The following FRMD4B variants were observed in gnomAD, a reference collection of about 807,000 sequenced individuals.
The protein encoded by FRMD4B is FERM domain-containing protein 4B.
A neutral mutation model predicts 141.5 loss-of-function variants in FRMD4B; 74 were observed. The observed-to-expected ratio is 0.52, with a 90% CI of 0.43 to 0.63. The LOEUF is 0.63. Among genes scored for constraint, FRMD4B ranks in the 30% least tolerant of loss-of-function variants. FRMD4B has a pLI of 0.00. For missense variants in FRMD4B, 1,366 were observed against 1,253.4 expected, an observed-to-expected ratio of 1.09 and a Z score of -1.36; for synonymous variants, 506 against 467.9, an observed-to-expected ratio of 1.08 and a Z score of -1.05.
rs545659265 is a variant in FRMD4B at position 69,312,081 on chromosome 3, A to C, written c.229-724T>G. Among the ~76,000 whole-genome samples, 5 of 152,276 alleles carry C rather than the reference A, an allele frequency of 3.3e-5. No homozygotes were observed. In the South Asian group the frequency reaches 1.0e-3, roughly 32 times the overall value. On this transcript the variant is annotated intron_variant, in intron 2 of 22. Coordinates refer to ENST00000398540, the MANE Select transcript of FRMD4B (RefSeq NM_015123.3). ...TGTACCCATTCCACACATCATCATC[A>C]ACAGTAATGAGCACCTAGTTAGAAG... is the stretch of plus-strand genomic sequence containing the variant.
At chr3:69,458,338 G>C (rs1300983829) in intron 1 of FRMD4B, among the ~76,000 whole-genome samples, 1 of 152,088 alleles carries the variant, frequency 6.6e-6, no homozygotes, top group Non-Finnish European at 1.5e-5. Context: ...CAGAGCATGA[G>C]GCATTAAACA....
chr3:69,400,174 C>T (rs990300158), intron 2 of FRMD4B, among the ~76,000 whole-genome samples: 2 of 151,174 alleles, frequency 1.3e-5, no homozygotes, highest in Non-Finnish European at 2.9e-5. Context: ...TCACTTGAGG[C>T]CAGGAGTTTG....
intron 1 of FRMD4B, among the ~76,000 whole-genome samples, chr3:69,533,838 G>T (rs1393086055): frequency 1.3e-5 from 2 of 152,154 alleles, no homozygotes; most frequent in Non-Finnish European, 1.5e-5. Flanking sequence ...TGTCTGGATA[G>T]GAGAGTTCAC....
intron 7 of FRMD4B, among the ~76,000 whole-genome samples, chr3:69,244,976 T>C (rs1294173478): frequency 6.6e-6 from 1 of 152,170 alleles, no homozygotes; most frequent in Non-Finnish European, 1.5e-5. Flanking sequence ...TTTTTTCCCA[T>C]TATTTATATG....
At chr3:69,411,649 T>TA (rs1704763072) in intron 2 of FRMD4B, among the ~76,000 whole-genome samples, 1 of 152,198 alleles carries the variant, frequency 6.6e-6, no homozygotes, top group African/African-American at 2.4e-5. Context: ...GACCCTGATC[T>TA]CCTGTCTAGG....
At chr3:69,378,980 T>C (rs1704044877) in intron 1 of FRMD4B, among the ~76,000 whole-genome samples, 1 of 152,164 alleles carries the variant, frequency 6.6e-6, no homozygotes, top group Non-Finnish European at 1.5e-5. Flanking sequence ...TGGTTTAGAC[T>C]CCCTCCACTG....
chr3:69,209,661 C>T (rs1389498329), intron 11 of FRMD4B, among the ~76,000 whole-genome samples: 1 of 152,204 alleles, frequency 6.6e-6, no homozygotes, highest in Admixed American at 6.5e-5. Context: ...ACTGACTCTG[C>T]AGAAGGTTTT....
At chr3:69,261,095 AC>A (rs2093524368) in intron 5 of FRMD4B, among the ~76,000 whole-genome samples, 1 of 152,176 alleles carries the variant, frequency 6.6e-6, no homozygotes, top group Non-Finnish European at 1.5e-5. Flanking sequence ...CACTTTTCAC[AC>A]TGTGGAAGGG....
Position 69,171,708 on chromosome 3 carries a change from AT to A in FRMD4B, c.*152del. The A allele has an allele frequency of 1.4e-6, 1 of 711,590 alleles. No individual in the cohort carries two copies. Among genetic ancestry groups the A allele is most frequent in the Non-Finnish European group, 2.4e-6 (1 of 420,550 alleles). 44.1% of individuals were successfully genotyped at this position (711,590 alleles called of 1,614,324 possible). ...GGGGCTTTGTGGGGCTTGGTGTGTGATTCACTGATTCACTTCCAGGGCAACT... is the reference window on the plus strand; with the variant it reads ...GGGGCTTTGTGGGGCTTGGTGTGTGATCACTGATTCACTTCCAGGGCAACT... On this transcript the variant is annotated 3_prime_UTR_variant, in exon 23 of 23. Coordinates refer to ENST00000398540, the MANE Select transcript of FRMD4B (RefSeq NM_015123.3).
At chr3:69,363,598 C>A (rs1483987461) in intron 1 of FRMD4B, among the ~76,000 whole-genome samples, 1 of 151,912 alleles carries the variant, frequency 6.6e-6, no homozygotes, top group Non-Finnish European at 1.5e-5. Flanking sequence ...ACCATGTTAG[C>A]CAGGATGGTC....
At chr3:69,385,774 C>T in intron 1 of FRMD4B, 54 bp downstream of exon 1, 10 of 1,431,880 alleles carry the variant, frequency 7.0e-6, no homozygotes, top group Non-Finnish European at 9.3e-6. Flanking sequence ...GCCTGCTTCC[C>T]ACGAGTGCCC....
chr3:69,445,950 T>C (rs1270995598), intron 1 of FRMD4B, among the ~76,000 whole-genome samples: 2 of 152,230 alleles, frequency 1.3e-5, no homozygotes, highest in South Asian at 2.1e-4. Flanking sequence ...TGTTCACTGC[T>C]ACATCCTCGT....
intron 1 of FRMD4B, among the ~76,000 whole-genome samples, chr3:69,375,688 G>A (rs1385658811): frequency 1.3e-5 from 2 of 152,140 alleles, no homozygotes; most frequent in Non-Finnish European, 2.9e-5. Context: ...GCAAATTTGT[G>A]GCCAGAGGCT....
chr3:69,183,556 C>T lies in FRMD4B; in HGVS notation c.1920-839G>A, dbSNP rs111303122. Among the ~76,000 whole-genome samples the T allele has an allele frequency of 2.3e-3, 311 of 137,108 alleles. 1 individual carries two copies. The highest frequency in any genetic ancestry group is 8.2e-3 in the African/African-American group (293 of 35,898). The allele number at this position is 137,108 out of a possible 152,430, so 89.9% of individuals were successfully genotyped here. On this transcript the variant is annotated intron_variant, in intron 19 of 22. Coordinates refer to ENST00000398540, the MANE Select transcript of FRMD4B (RefSeq NM_015123.3). Reference sequence around the variant, plus strand: ...GGAGTGCAGTGGTGTGATTTTGGCTCACTGCAAGCCCCGCCTCCTGGGTTC... The same window carrying T: ...GGAGTGCAGTGGTGTGATTTTGGCTTACTGCAAGCCCCGCCTCCTGGGTTC...
intron 5 of FRMD4B, among the ~76,000 whole-genome samples, chr3:69,287,098 C>T (rs910021511): frequency 3.9e-5 from 6 of 152,190 alleles, no homozygotes; most frequent in African/African-American, 1.2e-4. Flanking sequence ...CTGCCATGCT[C>T]GGCCGTAAAA....
chr3:69,541,832 C>T (rs1280007850), intron 1 of FRMD4B, among the ~76,000 whole-genome samples: 1 of 147,696 alleles, frequency 6.8e-6, no homozygotes, highest in African/African-American at 2.5e-5. Flanking sequence ...TCTCTGGGGG[C>T]CAGATCTGGG....
chr3:69,487,609 T>G (rs938918987), intron 1 of FRMD4B, among the ~76,000 whole-genome samples: 1 of 152,214 alleles, frequency 6.6e-6, no homozygotes, highest in Non-Finnish European at 1.5e-5. Context: ...ACTCATAATC[T>G]GCTTCCTCTT....
chr3:69,346,506 A>G (rs1702948799), intron 1 of FRMD4B, among the ~76,000 whole-genome samples: 1 of 152,152 alleles, frequency 6.6e-6, no homozygotes, highest in East Asian at 1.9e-4. Flanking sequence ...CCTCGAGAAG[A>G]GCAACTCCAA....
At chr3:69,477,267 A>G (rs544101243) in intron 1 of FRMD4B, among the ~76,000 whole-genome samples, 73 of 151,388 alleles carry the variant, frequency 4.8e-4, no homozygotes, top group Admixed American at 1.8e-3. Flanking sequence ...GAGAGAGGGC[A>G]TCCCTGTCTT....
Sources: allele counts gnomAD v4.1 joint callset (sites outside exome capture counted in the v4.1 genomes callset), GRCh38; gene constraint gnomAD v4.1.1; transcripts MANE v1.5; gene names NCBI Gene and HGNC (gene_info 2026-07-23, HGNC 2026-07-21).